The following NUP205 variants were observed in gnomAD, a reference collection of about 807,000 sequenced individuals.
NUP205 encodes nuclear pore complex protein Nup205.
A neutral mutation model predicts 253.8 loss-of-function variants in NUP205; 76 were observed. That is an observed-to-expected ratio of 0.30 (90% CI 0.25 to 0.36). The LOEUF (loss-of-function observed/expected upper bound fraction) is 0.36, where lower values mean the gene tolerates loss of function less well. Among genes scored for constraint, NUP205 ranks in the 10% least tolerant of loss-of-function variants. NUP205 has a pLI of 1.00. For synonymous variants in NUP205, 832 were observed against 850.1 expected, an observed-to-expected ratio of 0.98 and a Z score of 0.37; for missense variants, 2,162 against 2,425.5, an observed-to-expected ratio of 0.89 and a Z score of 2.28.
intron 7 of NUP205, among the ~76,000 whole-genome samples, chr7:135,583,879 T>C (rs1340358714): frequency 1.3e-5 from 2 of 151,260 alleles, no homozygotes; most frequent in Non-Finnish European, 2.9e-5. Flanking sequence ...GTTTTGCTCG[T>C]TTTCCAGGCT....
intron 17 of NUP205, 22 bp downstream of exon 17, chr7:135,601,529 T>C: frequency 6.2e-7 from 1 of 1,600,384 alleles, no homozygotes; most frequent in Non-Finnish European, 8.5e-7. Flanking sequence ...AAAGCCTTCA[T>C]GTCTTGCAAA....
intron 37 of NUP205, 23 bp from the exon 38 acceptor site, chr7:135,638,534 T>C (rs1468015687): frequency 1.9e-6 from 3 of 1,610,684 alleles, no homozygotes; most frequent in African/African-American, 2.7e-5. Flanking sequence ...CTTAACATTT[T>C]TGTTACTGTT....
intron 7 of NUP205, among the ~76,000 whole-genome samples, chr7:135,581,200 C>G (rs757441793): frequency 1.3e-5 from 2 of 152,190 alleles, no homozygotes; most frequent in African/African-American, 4.8e-5. Flanking sequence ...TTTCTGTTCT[C>G]TTCATAGACT....
At chr7:135,617,478 G>C in intron 26 of NUP205, 124 bp from the exon 27 acceptor site, 2 of 748,484 alleles carry the variant, frequency 2.7e-6, no homozygotes. Context: ...CAGTGCTCCT[G>C]TTAGATTATA....
chr7:135,616,170 TCTCA>T (rs1461674817), intron 24 of NUP205, 105 bp downstream of exon 24: 14 of 1,005,594 alleles, frequency 1.4e-5, no homozygotes, highest in Non-Finnish European at 2.0e-5. Flanking sequence ...AAAACTATCT[TCTCA>T]CTTTTAGAAT....
In NUP205 at chr7:135,564,929, G is replaced by A. The variant is rs548566163; in HGVS notation, c.29-6176G>A. 2.5e-4 allele frequency among the ~76,000 whole-genome samples: 38 copies of A among 151,888 alleles called. 1 individual carries two copies. In the South Asian group the frequency reaches 4.8e-3, roughly 19 times the overall value. ...TTACAGGTGCACGCCACCATGCCTGGCTACTTTTTAAAAATTTTTTGTAGA... is the reference window on the plus strand; with the variant it reads ...TTACAGGTGCACGCCACCATGCCTGACTACTTTTTAAAAATTTTTTGTAGA... On this transcript the variant is annotated intron_variant, in intron 1 of 42. Coordinates refer to ENST00000285968, the MANE Select transcript of NUP205 (RefSeq NM_015135.3).
At chr7:135,590,607 A>G (rs1301878244) in intron 10 of NUP205, among the ~76,000 whole-genome samples, 2 of 150,616 alleles carry the variant, frequency 1.3e-5, no homozygotes, top group African/African-American at 2.4e-5. Flanking sequence ...ATCTTGGCTC[A>G]CTGCAACCTC....
intron 22 of NUP205, among the ~76,000 whole-genome samples, chr7:135,608,226 A>G (rs112604988): frequency 0.11 from 16,244 of 151,848 alleles, 1,138 homozygotes; most frequent in Non-Finnish European, 0.17. Flanking sequence ...GGGTTTCATC[A>G]TGTTGGCCAG....
chr7:135,557,918 G>A lies in NUP205; in HGVS notation c.-27G>A, dbSNP rs767649633. Reference sequence around the variant, plus strand: ...CCTTTCCCGGGGCCTCCATGCGGCAGAAGGGCTCTGTTAGTGCGCCTCTAA... The same window carrying A: ...CCTTTCCCGGGGCCTCCATGCGGCAAAAGGGCTCTGTTAGTGCGCCTCTAA... On this transcript the variant is annotated 5_prime_UTR_variant, in exon 1 of 43. Coordinates refer to ENST00000285968, the MANE Select transcript of NUP205 (RefSeq NM_015135.3). 2 of 1,612,136 alleles carry A rather than the reference G, an allele frequency of 1.2e-6. No individual in the cohort carries two copies. Among genetic ancestry groups the A allele is most frequent in the Non-Finnish European group, 1.7e-6 (2 of 1,178,122 alleles).
At chr7:135,611,116 G>A (rs1183719251) in intron 22 of NUP205, among the ~76,000 whole-genome samples, 1 of 150,518 alleles carries the variant, frequency 6.6e-6, no homozygotes, top group Non-Finnish European at 1.5e-5. Context: ...AGCAATTCTC[G>A]TGCCTCAGTC....
intron 22 of NUP205, among the ~76,000 whole-genome samples, chr7:135,611,550 G>A (rs1253471050): frequency 1.3e-5 from 2 of 151,896 alleles, no homozygotes; most frequent in African/African-American, 4.8e-5. Context: ...ATTGTTTATA[G>A]TTGTATTCAG....
chr7:135,592,882 C>T, intron 11 of NUP205, 105 bp from the exon 12 acceptor site: 1 of 875,376 alleles, frequency 1.1e-6, no homozygotes, highest in Non-Finnish European at 1.8e-6. Context: ...GAGACTCTAT[C>T]TCAAAAAAGA....
At chr7:135,616,298 T>C (rs960403190) in intron 24 of NUP205, among the ~76,000 whole-genome samples, 2 of 152,196 alleles carry the variant, frequency 1.3e-5, no homozygotes, top group Admixed American at 1.3e-4. Flanking sequence ...AAATTGTCAG[T>C]GGAGTTTGTC....
chr7:135,628,515 A>G (rs553376212), intron 34 of NUP205, among the ~76,000 whole-genome samples: 2 of 152,320 alleles, frequency 1.3e-5, no homozygotes, highest in African/African-American at 4.8e-5. Context: ...GGAGACTGAC[A>G]GATGATAATA....
intron 30 of NUP205, among the ~76,000 whole-genome samples, chr7:135,620,891 A>ATAT (rs150969413): frequency 0.034 from 5,198 of 152,312 alleles, 118 homozygotes; most frequent in Middle Eastern, 0.1. Flanking sequence ...GCTTTCTAAA[A>ATAT]AGTTAGCATT....
chr7:135,565,207 G>A (rs938770915), intron 1 of NUP205, among the ~76,000 whole-genome samples: 2 of 152,094 alleles, frequency 1.3e-5, no homozygotes, highest in Non-Finnish European at 2.9e-5. Flanking sequence ...AGGTCCTACT[G>A]TATATTAATA....
In NUP205 at chr7:135,594,010, A is replaced by T. The variant is rs548468474; in HGVS notation, c.1831-537A>T. On this transcript the variant is annotated intron_variant, in intron 12 of 42. Transcript: ENST00000285968. The stretch of plus-strand genomic sequence containing the variant: ...ACAAAGAAATGAGAAATGTTAGAGG[A>T]TGGATATCCTAATTACCCTGATTTG... Among the ~76,000 whole-genome samples the T allele has an allele frequency of 3.3e-5, 5 of 152,300 alleles. No homozygotes were observed. The South Asian group carries it at 1.0e-3, about 32-fold the overall frequency.
chr7:135,639,535 C>G (rs1367118693), intron 38 of NUP205, among the ~76,000 whole-genome samples: 2 of 151,868 alleles, frequency 1.3e-5, no homozygotes, highest in East Asian at 3.9e-4. Flanking sequence ...TCTAAAAATA[C>G]AACAAGTTAG....
At position 135,618,508 on chromosome 7, in the gene NUP205, G is replaced by A. The variant is rs770738289; in HGVS notation, c.3868G>A (p.Val1290Ile). 1.4e-5 allele frequency: 23 copies of A among 1,614,018 alleles called. No homozygotes were observed. In the South Asian group the frequency reaches 2.5e-4, roughly 18 times the overall value. Residue 1290 changes from valine to isoleucine, a missense_variant, in exon 28 of 43, where the codon GTA becomes ATA. Val to Ile is a conservative substitution (Grantham distance 29, BLOSUM62 3). Coordinates refer to ENST00000285968, the MANE Select transcript of NUP205 (RefSeq NM_015135.3). ...RHALESWRQL[V>I]EIILTACPQD... Reference sequence around the variant, plus strand: ...TGCTCTGGAGTCGTGGAGGCAACTAGTAGAAATTATACTGACAGCTTGTCC... The same window carrying A: ...TGCTCTGGAGTCGTGGAGGCAACTAATAGAAATTATACTGACAGCTTGTCC...
Sources: allele counts gnomAD v4.1 joint callset (sites outside exome capture counted in the v4.1 genomes callset), GRCh38; gene constraint gnomAD v4.1.1; transcripts MANE v1.5; gene names NCBI Gene and HGNC (gene_info 2026-07-23, HGNC 2026-07-21).